SMIM14: variants seen among roughly 807,000 people sequenced by gnomAD.
SMIM14 encodes small integral membrane protein 14.
SMIM14 carries 5 observed loss-of-function variants against 12.6 expected under a neutral mutation model. That is an observed-to-expected ratio of 0.40 (90% CI 0.21 to 0.83). The LOEUF (loss-of-function observed/expected upper bound fraction) is 0.83. Among genes scored for constraint, SMIM14 ranks in the 40% least tolerant of loss-of-function variants. The probability of loss-of-function intolerance (pLI) is 0.37; values close to 1 mark genes in which losing one functional copy is unlikely to be tolerated. For missense variants in SMIM14, 86 were observed against 119.1 expected (o/e 0.72, Z 1.29); for synonymous variants, 30 against 40.1 (o/e 0.75, Z 0.95).
intron 2 of SMIM14, among the ~76,000 whole-genome samples, chr4:39,578,198 A>C (rs1384629467): frequency 6.6e-6 from 1 of 152,196 alleles, no homozygotes; most frequent in Admixed American, 6.5e-5. Flanking sequence ...CCCAGGCTGA[A>C]GTGCAGCAGC....
At chr4:39,598,471 A>AT (rs1714464804) in intron 2 of SMIM14, among the ~76,000 whole-genome samples, 1 of 151,826 alleles carries the variant, frequency 6.6e-6, no homozygotes, top group South Asian at 2.1e-4. Flanking sequence ...CTACTTCTTG[A>AT]TTTTTCCATG....
chr4:39,567,594 G>A (rs1390066545), intron 3 of SMIM14, among the ~76,000 whole-genome samples: 4 of 151,944 alleles, frequency 2.6e-5, no homozygotes, highest in South Asian at 2.1e-4. Flanking sequence ...AAAATTAGCC[G>A]GGTGTGGTGG....
chr4:39,604,010 CAAAA>C (rs755443266), intron 2 of SMIM14, among the ~76,000 whole-genome samples: 2 of 82,304 alleles, frequency 2.4e-5, no homozygotes, highest in Admixed American at 1.3e-4. Flanking sequence ...GACACTGTCT[CAAAA>C]AAAAAAAAAA....
chr4:39,613,073 T>C (rs1715093819), intron 1 of SMIM14, among the ~76,000 whole-genome samples: 1 of 152,200 alleles, frequency 6.6e-6, no homozygotes, highest in African/African-American at 2.4e-5. Context: ...TTAAAATCTC[T>C]TTTTAATTCA....
chr4:39,592,052 C>T (rs140229871), intron 2 of SMIM14, among the ~76,000 whole-genome samples: 109 of 152,002 alleles, frequency 7.2e-4, no homozygotes, highest in African/African-American at 2.4e-3. Flanking sequence ...AAAAATTAGC[C>T]AGGCACAATG....
At chr4:39,610,176 G>T (rs1265126240) in intron 1 of SMIM14, among the ~76,000 whole-genome samples, 2 of 151,874 alleles carry the variant, frequency 1.3e-5, no homozygotes, top group Non-Finnish European at 2.9e-5. Flanking sequence ...CTGTAAAGAC[G>T]GGGTCTCCCT....
At chr4:39,587,106 G>C (rs1049047268) in intron 2 of SMIM14, among the ~76,000 whole-genome samples, 1 of 151,888 alleles carries the variant, frequency 6.6e-6, no homozygotes, top group African/African-American at 2.4e-5. Flanking sequence ...TTGGGGGGAA[G>C]GTACACAAAC....
At chr4:39,589,755 C>T (rs1231585402) in intron 2 of SMIM14, 1 of 152,058 alleles carries the variant, frequency 6.6e-6, no homozygotes, top group African/African-American at 2.4e-5. Flanking sequence ...AAAAGGAACA[C>T]TAGGCGGCCG....
chr4:39,609,136 C>T (rs1237810568), intron 1 of SMIM14, among the ~76,000 whole-genome samples: 1 of 150,108 alleles, frequency 6.7e-6, no homozygotes, highest in Non-Finnish European at 1.5e-5. Flanking sequence ...GCCACCATGC[C>T]CGGCTAATTT....
At chr4:39,588,926 GAC>G (rs1412802187) in intron 2 of SMIM14, among the ~76,000 whole-genome samples, 1 of 152,030 alleles carries the variant, frequency 6.6e-6, no homozygotes, top group African/African-American at 2.4e-5. Context: ...AAACTTTCCA[GAC>G]ACAGATATTT....
chr4:39,598,709 G>C (rs1246307138), intron 2 of SMIM14, among the ~76,000 whole-genome samples: 1 of 152,008 alleles, frequency 6.6e-6, no homozygotes, highest in Admixed American at 6.6e-5. Flanking sequence ...TTTAAAGTTA[G>C]TACTTTTTTT....
At chr4:39,599,822 T>C (rs1042379366) in intron 2 of SMIM14, among the ~76,000 whole-genome samples, 2 of 151,222 alleles carry the variant, frequency 1.3e-5, no homozygotes, top group Non-Finnish European at 2.9e-5. Context: ...CTTGGGAGGC[T>C]GAGGCAGGAA....
chr4:39,581,873 C>CTT (rs200459196), intron 2 of SMIM14, among the ~76,000 whole-genome samples: 6 of 135,382 alleles, frequency 4.4e-5, no homozygotes, highest in African/African-American at 5.4e-5. Flanking sequence ...AATGTCTTTT[C>CTT]TTTTTTTTTT....
chr4:39,586,073 C>T (rs949891421), intron 2 of SMIM14, among the ~76,000 whole-genome samples: 1 of 152,030 alleles, frequency 6.6e-6, no homozygotes, highest in Non-Finnish European at 1.5e-5. Context: ...CAGTTTCCTG[C>T]TGGGGGCTGG....
At chr4:39,564,590 G>A (rs1422939986) in intron 3 of SMIM14, among the ~76,000 whole-genome samples, 1 of 152,156 alleles carries the variant, frequency 6.6e-6, no homozygotes, top group African/African-American at 2.4e-5. Flanking sequence ...TTCTGCGAGG[G>A]TGCCCCATAG....
intron 3 of SMIM14, among the ~76,000 whole-genome samples, chr4:39,567,266 C>G (rs984965303): frequency 2.0e-5 from 3 of 146,882 alleles, no homozygotes; most frequent in African/African-American, 2.5e-5. Flanking sequence ...TCTCAGATTA[C>G]AACTTTATCA....
intron 1 of SMIM14, among the ~76,000 whole-genome samples, chr4:39,621,686 CTTTTTTTTTTT>C (rs57206633): frequency 2.5e-4 from 26 of 105,450 alleles, no homozygotes; most frequent in Non-Finnish European, 4.4e-4. Context: ...CCAAACGTTT[CTTTTTTTTTTT>C]TTTTTTTTTT....
chr4:39,586,692 A>G (rs1445240063), intron 2 of SMIM14, among the ~76,000 whole-genome samples: 1 of 152,050 alleles, frequency 6.6e-6, no homozygotes, highest in East Asian at 1.9e-4. Flanking sequence ...GCCTATATCC[A>G]TTACACAGTT....
intron 2 of SMIM14, among the ~76,000 whole-genome samples, chr4:39,588,562 A>G (rs1317757281): frequency 6.6e-6 from 1 of 152,164 alleles, no homozygotes; most frequent in Non-Finnish European, 1.5e-5. Context: ...CTTATTGACT[A>G]AAATAAAACT....
Sources: gnomAD v4.1 joint callset for allele counts (sites outside exome capture counted in the v4.1 genomes callset) on GRCh38, gnomAD v4.1.1 for gene constraint, MANE v1.5 for transcripts, NCBI Gene and HGNC (gene_info 2026-07-23, HGNC 2026-07-21) for gene names.